BRINP2: variants seen among roughly 807,000 people sequenced by gnomAD.
BRINP2 encodes BMP/retinoic acid-inducible neural-specific protein 2.
In BRINP2, 21 loss-of-function variants were observed where a neutral mutation model predicts 69.2. The ratio of observed to expected loss-of-function variants is 0.30; its 90% CI spans 0.22 to 0.44. The LOEUF (loss-of-function observed/expected upper bound fraction) is 0.44. Among genes scored for constraint, BRINP2 ranks in the 20% least tolerant of loss-of-function variants. BRINP2 has a pLI of 1.00. For synonymous variants in BRINP2, 380 were observed against 394.1 expected, an observed-to-expected ratio of 0.96 and a Z score of 0.42; for missense variants, 877 against 986.0, an observed-to-expected ratio of 0.89 and a Z score of 1.48.
intron 1 of BRINP2, among the ~76,000 whole-genome samples, chr1:177,217,244 G>T (rs1001374713): frequency 3.3e-5 from 5 of 151,106 alleles, no homozygotes; most frequent in Non-Finnish European, 7.4e-5. Context: ...CAAATTTTCT[G>T]TCTTCATGTT....
intron 1 of BRINP2, among the ~76,000 whole-genome samples, chr1:177,204,678 C>G (rs1457620612): frequency 6.6e-6 from 1 of 152,132 alleles, no homozygotes; most frequent in Non-Finnish European, 1.5e-5. Context: ...AACTCTTTCT[C>G]TTTTCTTGTC....
At chr1:177,240,981 T>G (rs923008922) in intron 2 of BRINP2, among the ~76,000 whole-genome samples, 1 of 152,096 alleles carries the variant, frequency 6.6e-6, no homozygotes, top group African/African-American at 2.4e-5. Context: ...CAATATTTTT[T>G]TTTTTTTTGA....
chr1:177,222,900 T>C (rs770541574), intron 1 of BRINP2, among the ~76,000 whole-genome samples: 57 of 152,066 alleles, frequency 3.7e-4, no homozygotes, highest in Admixed American at 6.6e-4. Context: ...AAGGAGTGGC[T>C]GGGGTTTCTT....
intron 1 of BRINP2, among the ~76,000 whole-genome samples, chr1:177,190,528 G>A (rs544677998): frequency 5.3e-5 from 8 of 152,306 alleles, no homozygotes; most frequent in East Asian, 1.9e-4. Flanking sequence ...CATCTGTTGA[G>A]GTTGGCAGTC....
intron 2 of BRINP2, among the ~76,000 whole-genome samples, chr1:177,248,940 G>C (rs1338975063): frequency 6.6e-6 from 1 of 152,168 alleles, no homozygotes; most frequent in Non-Finnish European, 1.5e-5. Context: ...CTGTGCCTGA[G>C]ATCTGGCATG....
chr1:177,274,050 A>T (rs1307144965), intron 5 of BRINP2, among the ~76,000 whole-genome samples: 1 of 152,198 alleles, frequency 6.6e-6, no homozygotes, highest in African/African-American at 2.4e-5. Context: ...GTGGGGGACC[A>T]CTACTTACTG....
At chr1:177,213,910 G>T (rs1418638277) in intron 1 of BRINP2, among the ~76,000 whole-genome samples, 1 of 152,104 alleles carries the variant, frequency 6.6e-6, no homozygotes, top group African/African-American at 2.4e-5. Flanking sequence ...TTCTTAAAAG[G>T]AAAGAAATGG....
intron 4 of BRINP2, among the ~76,000 whole-genome samples, chr1:177,270,082 T>TA (rs547461505): frequency 2.3e-5 from 3 of 130,186 alleles, no homozygotes; most frequent in African/African-American, 9.5e-5. Flanking sequence ...GGGCAAGGGG[T>TA]GGGGGGGGTG....
rs200815682 is a variant in BRINP2 at position 177,230,143 on chromosome 1, T to C, written c.267T>C (p.Tyr89=). ...GTTTCACCACCAGGTACAGGATTTA[T>C]AGGTAAGTGGGGGCCTCCACTGAGA... ...RQGFTTRYRI[Y]REFARWKVNN... Residue 89 remains tyrosine (Y), a splice_region_variant and synonymous_variant, in exon 2 of 8, where the codon TAT becomes TAC. Transcript: ENST00000361539. The C allele has an allele frequency of 2.5e-6, 4 of 1,598,754 alleles. No individual in the cohort carries two copies. In the African/African-American group the frequency reaches 4.0e-5, roughly 16 times the overall value.
chr1:177,184,380 C>T (rs1303306673), intron 1 of BRINP2, among the ~76,000 whole-genome samples: 2 of 152,054 alleles, frequency 1.3e-5, no homozygotes, highest in Non-Finnish European at 2.9e-5. Flanking sequence ...CATGGTTCTC[C>T]CCAACCCCAC....
At chr1:177,216,669 G>GA (rs397696447) in intron 1 of BRINP2, among the ~76,000 whole-genome samples, 1 of 104 alleles carries the variant, frequency 9.6e-3, no homozygotes, top group African/African-American at 0.026. Flanking sequence ...ATTCCTGCAA[G>GA]CAGGCCTAGT....
At chr1:177,228,177 G>C (rs1221204708) in intron 1 of BRINP2, among the ~76,000 whole-genome samples, 1 of 152,208 alleles carries the variant, frequency 6.6e-6, no homozygotes, top group East Asian at 1.9e-4. Flanking sequence ...GAGCTGTCCA[G>C]CACATGGGAG....
At chr1:177,213,344 C>T (rs191695574) in intron 1 of BRINP2, among the ~76,000 whole-genome samples, 1 of 152,194 alleles carries the variant, frequency 6.6e-6, no homozygotes, top group East Asian at 1.9e-4. Context: ...AGTTGGAGCA[C>T]CCAGCCCTCA....
intron 1 of BRINP2, among the ~76,000 whole-genome samples, chr1:177,202,865 G>T (rs967325464): frequency 5.9e-5 from 9 of 152,154 alleles, no homozygotes; most frequent in African/African-American, 7.2e-5. Flanking sequence ...AGGAACACTT[G>T]TACACTGTTG....
chr1:177,189,629 C>A (rs1215169776), intron 1 of BRINP2, among the ~76,000 whole-genome samples: 1 of 152,136 alleles, frequency 6.6e-6, no homozygotes, highest in Non-Finnish European at 1.5e-5. Flanking sequence ...TCTTTTACCT[C>A]CAGCAACTGT....
intron 2 of BRINP2, among the ~76,000 whole-genome samples, chr1:177,238,198 G>A (rs937622804): frequency 4.6e-5 from 7 of 152,210 alleles, no homozygotes; most frequent in Admixed American, 2.6e-4. Flanking sequence ...AGAAGTGGGC[G>A]AGGCCTGTGG....
At chr1:177,256,167 A>G in intron 3 of BRINP2, 58 bp downstream of exon 3, 1 of 1,570,904 alleles carries the variant, frequency 6.4e-7, no homozygotes, top group Non-Finnish European at 8.7e-7. Flanking sequence ...AATAACGTTA[A>G]GACTCGTGTA....
chr1:177,241,915 A>G (rs1231163477), intron 2 of BRINP2, among the ~76,000 whole-genome samples: 1 of 152,214 alleles, frequency 6.6e-6, no homozygotes, highest in East Asian at 1.9e-4. Flanking sequence ...TGTCTAGAGA[A>G]TACAGGTTTC....
chr1:177,232,688 C>T (rs569158746), intron 2 of BRINP2, among the ~76,000 whole-genome samples: 2 of 152,084 alleles, frequency 1.3e-5, no homozygotes, highest in Admixed American at 1.3e-4. Context: ...TAGGACCTTG[C>T]TGGATTGACT....
Sources: gnomAD v4.1 joint callset for allele counts (sites outside exome capture counted in the v4.1 genomes callset) on GRCh38, gnomAD v4.1.1 for gene constraint, MANE v1.5 for transcripts, NCBI Gene and HGNC (gene_info 2026-07-23, HGNC 2026-07-21) for gene names.